The following UTY variants were observed in gnomAD, a reference collection of about 807,000 sequenced individuals.
The protein encoded by UTY is histone demethylase UTY.
UTY carries 12 observed loss-of-function variants against 32.5 expected under a neutral mutation model. The ratio of observed to expected loss-of-function variants is 0.37; its 90% confidence interval spans 0.24 to 0.60. UTY has a LOEUF of 0.60. UTY is among the 20% of genes least tolerant of loss of function. The pLI is 0.69. For missense variants in UTY, 303 were observed against 299.2 expected, an observed-to-expected ratio of 1.01 and a Z score of -0.09; for synonymous variants, 131 against 103.4, an observed-to-expected ratio of 1.27 and a Z score of -1.62.
intron 4 of UTY, among the ~76,000 whole-genome samples, chrY:13,435,876 G>C: frequency 6.0e-5 from 2 of 33,374 alleles, no homozygotes; most frequent in African/African-American, 2.4e-4. Flanking sequence ...TCAGCGCAGT[G>C]AAAAGGAATC....
At chrY:13,400,309 A>G in intron 6 of UTY, among the ~76,000 whole-genome samples, 1 of 32,562 alleles carries the variant, frequency 3.1e-5, no homozygotes, top group Non-Finnish European at 7.6e-5. Context: ...GGTGCCGAAG[A>G]CCCCATGACA....
At chrY:13,297,193 G>T in intron 27 of UTY, among the ~76,000 whole-genome samples, 1 of 33,403 alleles carries the variant, frequency 3.0e-5, no homozygotes, top group Non-Finnish European at 7.4e-5. Context: ...TTTGGAAGGG[G>T]AAGGGGAACT....
At chrY:13,251,986 C>A in intron 28 of UTY, among the ~76,000 whole-genome samples, 1 of 29,509 alleles carries the variant, frequency 3.4e-5, no homozygotes, top group Non-Finnish European at 8.1e-5. Context: ...CGAGACCATC[C>A]CGGCTAAAAC....
chrY:13,335,562 C>T lies in UTY; in HGVS notation c.2834+1G>A. 1 of 398,509 alleles carries T rather than the reference C, an allele frequency of 2.5e-6. No homozygotes were observed. Among genetic ancestry groups the T allele is most frequent in the Non-Finnish European group, 3.5e-6 (1 of 283,311 alleles). On this transcript the variant is annotated splice_donor_variant, in intron 18 of 29. Coordinates refer to ENST00000545955, the MANE Select transcript of UTY (RefSeq NM_001258249.2). LOFTEE classifies it high-confidence loss of function. ...TTTGTGAAGAATTTTCCCACACTAACCTGCATGCTTTCAGAACTTCTGTTG... is the reference window on the plus strand; with the variant it reads ...TTTGTGAAGAATTTTCCCACACTAATCTGCATGCTTTCAGAACTTCTGTTG...
intron 21 of UTY, among the ~76,000 whole-genome samples, chrY:13,310,285 C>T: frequency 3.3e-5 from 1 of 30,457 alleles, no homozygotes. Context: ...AGACCCTGGA[C>T]AAAGACACTG....
At chrY:13,236,486 A>G in intron 28 of UTY, among the ~76,000 whole-genome samples, 1 of 30,743 alleles carries the variant, frequency 3.3e-5, no homozygotes, top group African/African-American at 1.3e-4. Context: ...AATTCGGCCA[A>G]GTATTTTAGG....
At chrY:13,395,659 A>AAC (rs113496156) in intron 7 of UTY, among the ~76,000 whole-genome samples, 2,769 of 22,042 alleles carry the variant, frequency 0.13, no homozygotes, top group African/African-American at 0.52. Context: ...ACAAAATTAA[A>AAC]ACACACACAC....
intron 27 of UTY, among the ~76,000 whole-genome samples, chrY:13,277,226 TG>T (rs2056752538): frequency 2.9e-5 from 1 of 34,054 alleles, no homozygotes; most frequent in African/African-American, 1.1e-4. Flanking sequence ...GAGCATAAAA[TG>T]TGTGTTATCT....
chrY:13,357,840 T>G (rs2063104387), intron 15 of UTY, 37 bp downstream of exon 15: 1 of 348,170 alleles, frequency 2.9e-6, no homozygotes, highest in African/African-American at 6.7e-5. Context: ...TTTCTACTGC[T>G]TTCGAATTGG....
At chrY:13,316,077 T>C (rs2059463109) in intron 21 of UTY, among the ~76,000 whole-genome samples, 1 of 33,427 alleles carries the variant, frequency 3.0e-5, no homozygotes, top group Non-Finnish European at 7.4e-5. Context: ...TTAAATTAAC[T>C]GAGACCTCTC....
chrY:13,250,471 A>G (rs2054069558), intron 29 of UTY, among the ~76,000 whole-genome samples: 1 of 34,224 alleles, frequency 2.9e-5, no homozygotes, highest in African/African-American at 1.1e-4. Flanking sequence ...AAATAATTTT[A>G]AAGTAAATTA....
intron 27 of UTY, among the ~76,000 whole-genome samples, chrY:13,281,747 A>G (rs2057022367): frequency 3.0e-5 from 1 of 33,067 alleles, no homozygotes; most frequent in African/African-American, 1.2e-4. Flanking sequence ...AGATATACAT[A>G]TATGTATATA....
chrY:13,235,924 C>T, intron 28 of UTY, among the ~76,000 whole-genome samples: 2 of 33,110 alleles, frequency 6.0e-5, no homozygotes, highest in Non-Finnish European at 1.5e-4. Context: ...CAACATCATG[C>T]CTGTCTAATG....
chrY:13,342,609 G>C (rs2061568726), intron 17 of UTY, among the ~76,000 whole-genome samples: 2 of 34,541 alleles, frequency 5.8e-5, no homozygotes, highest in African/African-American at 2.2e-4. Context: ...CCATTTTTGA[G>C]GACACACTTG....
chrY:13,240,252 C>A (rs2053884871), intron 28 of UTY, among the ~76,000 whole-genome samples: 4 of 28,571 alleles, frequency 1.4e-4, no homozygotes, highest in South Asian at 1.6e-3. Context: ...CTTTAAGCCA[C>A]AGGCAGGTAA....
At chrY:13,436,930 T>C in intron 4 of UTY, among the ~76,000 whole-genome samples, 1 of 30,040 alleles carries the variant, frequency 3.3e-5, no homozygotes, top group Non-Finnish European at 8.0e-5. Context: ...GACAGTATCA[T>C]GCAAGCCTTT....
intron 27 of UTY, among the ~76,000 whole-genome samples, chrY:13,263,825 T>C (rs774982827): frequency 2.1e-4 from 7 of 33,553 alleles, no homozygotes; most frequent in African/African-American, 5.8e-4. Context: ...GGGAAAAAAA[T>C]AGAAGCTGGC....
intron 2 of UTY, among the ~76,000 whole-genome samples, chrY:13,477,862 A>G: frequency 1.5e-4 from 5 of 34,169 alleles, no homozygotes; most frequent in African/African-American, 5.7e-4. Context: ...CATTGATACT[A>G]TAACATGTTT....
intron 27 of UTY, among the ~76,000 whole-genome samples, chrY:13,281,922 A>G: frequency 1.5e-4 from 5 of 33,378 alleles, no homozygotes. Context: ...TGGACCTGAC[A>G]TATATTTACA....
Sources: gnomAD v4.1 joint callset for allele counts (sites outside exome capture counted in the v4.1 genomes callset) on GRCh38, gnomAD v4.1.1 for gene constraint, MANE v1.5 for transcripts, NCBI Gene and HGNC (gene_info 2026-07-23, HGNC 2026-07-21) for gene names.